MIB1: variants seen among roughly 807,000 people sequenced by gnomAD.
MIB1 encodes MIB E3 ubiquitin protein ligase 1, also known as E3 ubiquitin-protein ligase MIB1.
A neutral mutation model predicts 124.5 loss-of-function variants in MIB1; 278 were observed. The ratio of observed to expected loss-of-function variants is 2.23; its 90% CI spans 2.02 to 2.47. The LOEUF (loss-of-function observed/expected upper bound fraction) is 2.47, where lower values mean the gene tolerates loss of function less well. MIB1 is among the 30% of genes most tolerant of loss of function. MIB1 has a pLI of 0.00. For missense variants in MIB1, 957 were observed against 1,254.4 expected (o/e 0.76, Z 3.58); for synonymous variants, 446 against 429.4 (o/e 1.04, Z -0.48).
At chr18:21,798,625 C>T (rs2041613748) in intron 8 of MIB1, among the ~76,000 whole-genome samples, 1 of 152,094 alleles carries the variant, frequency 6.6e-6, no homozygotes, top group Non-Finnish European at 1.5e-5. Context: ...TTATTGCTAG[C>T]AGATGGCTTT....
chr18:21,781,269 T>C (rs1598607425), intron 6 of MIB1, among the ~76,000 whole-genome samples: 2 of 150,240 alleles, frequency 1.3e-5, no homozygotes, highest in Non-Finnish European at 3.0e-5. Flanking sequence ...TTTGGTAGAA[T>C]CTGGCATTGA....
Position 21,774,298 on chromosome 18 carries a change from G to A in MIB1, c.636+570G>A, listed in dbSNP as rs372247287. On this transcript the variant is annotated intron_variant, in intron 4 of 20. Transcript: ENST00000261537. ...GTATTTCATGGACCATTGTTCAAGC[G>A]CTGATCTTGGCTGGGCACGGTGGCT... Among the ~76,000 whole-genome samples the A allele has an allele frequency of 1.6e-4, 25 of 152,252 alleles. No homozygotes were observed. In the East Asian group the frequency reaches 2.5e-3, roughly 15 times the overall value.
chr18:21,711,398 C>T (rs1242899504), intron 1 of MIB1, among the ~76,000 whole-genome samples: 3 of 152,130 alleles, frequency 2.0e-5, no homozygotes, highest in Non-Finnish European at 4.4e-5. Flanking sequence ...TCTCCTGTCT[C>T]AGTCTCCTGA....
upstream of MIB1, among the ~76,000 whole-genome samples, chr18:21,740,761 C>G (rs2040837415): frequency 6.6e-6 from 1 of 152,256 alleles, no homozygotes; most frequent in South Asian, 2.1e-4. Flanking sequence ...ACCGTCCGCC[C>G]TTTTTCTAGA....
chr18:21,854,839 T>C, intron 18 of MIB1: 1 of 203,464 alleles, frequency 4.9e-6, no homozygotes, highest in Admixed American at 4.8e-5. Context: ...TCCCTTGAAG[T>C]CTGCCTGGGC....
chr18:21,860,306 T>C (rs2042266207), intron 20 of MIB1, among the ~76,000 whole-genome samples: 1 of 151,540 alleles, frequency 6.6e-6, no homozygotes, highest in Admixed American at 6.6e-5. Flanking sequence ...TTGCCGTGTT[T>C]TCCAGGCTGG....
intron 10 of MIB1, among the ~76,000 whole-genome samples, chr18:21,813,997 A>G (rs2041802254): frequency 6.6e-6 from 1 of 152,140 alleles, no homozygotes; most frequent in Non-Finnish European, 1.5e-5. Flanking sequence ...AGGCAGTGAG[A>G]CTTCTTTTCA....
At chr18:21,728,345 T>A (rs2040752236) in intron 1 of MIB1, among the ~76,000 whole-genome samples, 1 of 152,098 alleles carries the variant, frequency 6.6e-6, no homozygotes, top group African/African-American at 2.4e-5. Context: ...GTACAAAAAT[T>A]AGCCGGGCAT....
intron 10 of MIB1, among the ~76,000 whole-genome samples, chr18:21,814,789 G>A (rs914630937): frequency 2.6e-5 from 4 of 151,044 alleles, no homozygotes; most frequent in Non-Finnish European, 5.9e-5. Context: ...GGCCAGGCTG[G>A]TCTTGAACTC....
At chr18:21,721,240 G>C (rs1192526939) in intron 1 of MIB1, among the ~76,000 whole-genome samples, 1 of 124,344 alleles carries the variant, frequency 8.0e-6, no homozygotes, top group African/African-American at 3.1e-5. Context: ...GAGTGCGATG[G>C]TGCGATCTTG....
upstream of MIB1, among the ~76,000 whole-genome samples, chr18:21,735,867 C>T (rs562419623): frequency 1.1e-4 from 17 of 152,368 alleles, no homozygotes; most frequent in Admixed American, 5.9e-4. Flanking sequence ...AAAAAGGCAG[C>T]AGCCCCAGTC....
At chr18:21,832,649 C>T (rs781616402) in intron 12 of MIB1, among the ~76,000 whole-genome samples, 2 of 152,110 alleles carry the variant, frequency 1.3e-5, no homozygotes, top group Non-Finnish European at 2.9e-5. Flanking sequence ...TACTCACCTA[C>T]GGAAGTTTGT....
In MIB1 at chr18:21,791,413, T is replaced by C. The variant is rs747423751; in HGVS notation, c.948T>C (p.Ile316=). The change falls in exon 7 of 21, where the codon ATT becomes ATC. Residue 316 remains isoleucine (I), a synonymous_variant. Transcript: ENST00000261537. Reference sequence around the variant, plus strand: ...CTGCTGTTCTCACTAAAGCGAACATTGTCCGAAGTGGAGATGCTGCTCAGG... The same window carrying C: ...CTGCTGTTCTCACTAAAGCGAACATCGTCCGAAGTGGAGATGCTGCTCAGG... The part of the protein sequence containing the change: ...FNPAVLTKAN[I]VRSGDAAQGA... The C allele has an allele frequency of 2.5e-6, 4 of 1,613,588 alleles. No homozygotes were observed. The South Asian group carries it at 4.4e-5, about 18-fold the overall frequency.
intron 1 of MIB1, among the ~76,000 whole-genome samples, chr18:21,710,790 A>C (rs2040662063): frequency 6.6e-6 from 1 of 151,978 alleles, no homozygotes; most frequent in Admixed American, 6.6e-5. Flanking sequence ...TGACAAACAC[A>C]AAAAAGATAG....
intron 16 of MIB1, among the ~76,000 whole-genome samples, chr18:21,848,323 C>CTA (rs2042152302): frequency 6.6e-6 from 1 of 151,992 alleles, no homozygotes; most frequent in African/African-American, 2.4e-5. Flanking sequence ...GGGCGCATGC[C>CTA]TATAATCCCA....
intron 12 of MIB1, 38 bp from the exon 13 acceptor site, chr18:21,838,327 T>TTATGCAAA (rs1174571914): frequency 6.9e-7 from 1 of 1,454,622 alleles, no homozygotes; most frequent in African/African-American, 1.4e-5. Flanking sequence ...GTATATCAAA[T>TTATGCAAA]TATGCAAATA....
At chr18:21,754,541 T>G (rs193024572) in intron 1 of MIB1, among the ~76,000 whole-genome samples, 1 of 152,206 alleles carries the variant, frequency 6.6e-6, no homozygotes, top group African/African-American at 2.4e-5. Context: ...TTACTTGACT[T>G]TATAATGGCC....
At chr18:21,763,403 G>A (rs781179399) in intron 1 of MIB1, among the ~76,000 whole-genome samples, 4 of 151,946 alleles carry the variant, frequency 2.6e-5, no homozygotes, top group African/African-American at 2.4e-5. Flanking sequence ...AAGCAAAGTC[G>A]TTCCTGGTTC....
chr18:21,869,867 A>G lies in MIB1; in HGVS notation c.*5201A>G, dbSNP rs188394913. ...ATTTTTAAAGGAAATCACAAATTGT[A>G]TGTCATTCTTAATGCTAGTCTTATA... On this transcript the variant is annotated 3_prime_UTR_variant, in exon 21 of 21. Coordinates refer to ENST00000261537, the MANE Select transcript of MIB1 (RefSeq NM_020774.4). 12 of 152,194 alleles carry G rather than the reference A, an allele frequency of 7.9e-5. No individual in the cohort carries two copies. Among genetic ancestry groups the G allele is most frequent in the Admixed American group, 5.2e-4 (8 of 15,302 alleles). 9.4% of individuals were successfully genotyped at this position (152,194 alleles called of 1,614,324 possible).
Sources: allele counts gnomAD v4.1 joint callset (sites outside exome capture counted in the v4.1 genomes callset), GRCh38; gene constraint gnomAD v4.1.1; transcripts MANE v1.5; gene names NCBI Gene and HGNC (gene_info 2026-07-23, HGNC 2026-07-21).